DLG2: variants seen among roughly 807,000 people sequenced by gnomAD.
The protein encoded by DLG2 is disks large homolog 2.
In DLG2, 45 loss-of-function variants were observed where a neutral mutation model predicts 132.5. That is an observed-to-expected ratio of 0.34 (90% confidence interval 0.27 to 0.44). The LOEUF is 0.44. Among genes scored for constraint, DLG2 ranks in the 20% least tolerant of loss-of-function variants. DLG2 has a pLI of 1.00. For missense variants in DLG2, 1,045 were observed against 1,196.9 expected (o/e 0.87, Z 1.87); for synonymous variants, 424 against 419.6 (o/e 1.01, Z -0.13).
intron 3 of DLG2, among the ~76,000 whole-genome samples, chr11:85,593,200 C>G (rs2079487244): frequency 6.6e-6 from 1 of 151,968 alleles, no homozygotes; most frequent in Admixed American, 6.6e-5. Context: ...AAATCAGATC[C>G]TATAAAACAC....
At chr11:84,000,873 G>T (rs1032565312) in intron 11 of DLG2, among the ~76,000 whole-genome samples, 1 of 152,144 alleles carries the variant, frequency 6.6e-6, no homozygotes, top group Middle Eastern at 3.4e-3. Context: ...CCTAAACCTG[G>T]AAGGAAAAGG....
intron 6 of DLG2, among the ~76,000 whole-genome samples, chr11:84,952,958 A>G (rs2051158329): frequency 6.6e-6 from 1 of 152,194 alleles, no homozygotes; most frequent in African/African-American, 2.4e-5. Flanking sequence ...CAGTTTCTCA[A>G]AGTGCTTTCA....
At chr11:84,522,373 G>A (rs968908510) in intron 7 of DLG2, among the ~76,000 whole-genome samples, 2 of 152,004 alleles carry the variant, frequency 1.3e-5, no homozygotes, top group Non-Finnish European at 2.9e-5. Context: ...TGCTTAATGG[G>A]CCTTAAGGTC....
At chr11:85,437,197 C>T (rs1299145412) in intron 3 of DLG2, among the ~76,000 whole-genome samples, 2 of 151,630 alleles carry the variant, frequency 1.3e-5, no homozygotes, top group Non-Finnish European at 2.9e-5. Flanking sequence ...ATAGCCAATG[C>T]ATGTGGGGCT....
intron 3 of DLG2, among the ~76,000 whole-genome samples, chr11:85,497,840 G>C (rs528201059): frequency 6.6e-6 from 1 of 152,188 alleles, no homozygotes; most frequent in African/African-American, 2.4e-5. Context: ...AGCTTCATAA[G>C]TGAAGGGGAA....
At chr11:85,396,065 A>G (rs1175492836) in intron 3 of DLG2, among the ~76,000 whole-genome samples, 1 of 152,166 alleles carries the variant, frequency 6.6e-6, no homozygotes, top group African/African-American at 2.4e-5. Flanking sequence ...CGATGCTTCC[A>G]GAAGAAGGAT....
chr11:84,872,610 G>C (rs146969265), intron 6 of DLG2, among the ~76,000 whole-genome samples: 1 of 152,172 alleles, frequency 6.6e-6, no homozygotes. Flanking sequence ...CATTTAGGTT[G>C]TATCTTGAAA....
chr11:83,546,606 G>C (rs764383031), intron 19 of DLG2, among the ~76,000 whole-genome samples: 1 of 152,072 alleles, frequency 6.6e-6, no homozygotes, highest in African/African-American at 2.4e-5. Context: ...GAGATATAAA[G>C]AGCTGAAATG....
At chr11:83,633,709 G>T (rs2063997915) in intron 18 of DLG2, among the ~76,000 whole-genome samples, 1 of 148,970 alleles carries the variant, frequency 6.7e-6, no homozygotes, top group Non-Finnish European at 1.5e-5. Flanking sequence ...GTGGATATTG[G>T]TAACTGCACG....
rs1303901000 is a variant in DLG2 at position 84,154,808 on chromosome 11, C to A, written c.624+8653G>T. Among the ~76,000 whole-genome samples, 4 of 152,098 alleles carry A rather than the reference C, an allele frequency of 2.6e-5. No homozygotes were observed. The East Asian group carries it at 5.8e-4, about 22-fold the overall frequency. On this transcript the variant is annotated intron_variant, in intron 9 of 27. Coordinates refer to ENST00000376104, the MANE Select transcript of DLG2 (RefSeq NM_001142699.3). ...ATGATGGTTTCCAGCTTCACCCATG[C>A]CCCTACAAAGGACATGAACTCATCC... is the stretch of plus-strand genomic sequence containing the variant.
intron 7 of DLG2, among the ~76,000 whole-genome samples, chr11:84,503,719 T>A (rs972300475): frequency 6.6e-6 from 1 of 152,198 alleles, no homozygotes; most frequent in African/African-American, 2.4e-5. Context: ...GTCAGCAAGT[T>A]CAACAGTATA....
At chr11:85,443,875 GAAC>G (rs2091894415) in intron 3 of DLG2, among the ~76,000 whole-genome samples, 1 of 152,074 alleles carries the variant, frequency 6.6e-6, no homozygotes, top group Non-Finnish European at 1.5e-5. Context: ...ATCATTACAA[GAAC>G]AACAAAGTAA....
intron 18 of DLG2, among the ~76,000 whole-genome samples, chr11:83,709,191 TAA>T (rs1342543764): frequency 2.6e-5 from 4 of 151,498 alleles, no homozygotes; most frequent in African/African-American, 9.7e-5. Flanking sequence ...AGGAAAAAAA[TAA>T]AAGTCTGAAA....
At chr11:83,516,068 C>G (rs1391518040) in intron 21 of DLG2, among the ~76,000 whole-genome samples, 1 of 152,150 alleles carries the variant, frequency 6.6e-6, no homozygotes, top group Non-Finnish European at 1.5e-5. Context: ...GAGTTCAATT[C>G]CTGGATATCC....
intron 7 of DLG2, among the ~76,000 whole-genome samples, chr11:84,254,754 G>T (rs1017863106): frequency 1.3e-5 from 2 of 152,156 alleles, no homozygotes; most frequent in Admixed American, 6.5e-5. Context: ...TAGAGGACAA[G>T]AATTTGAAGG....
intron 10 of DLG2, among the ~76,000 whole-genome samples, chr11:84,069,565 C>T (rs55665840): frequency 0.035 from 5,395 of 152,282 alleles, 140 homozygotes; most frequent in Middle Eastern, 0.065. Flanking sequence ...CTTCTGCTCT[C>T]GTCTCTAACT....
chr11:84,750,206 A>G, intron 6 of DLG2, among the ~76,000 whole-genome samples: 1 of 152,092 alleles, frequency 6.6e-6, no homozygotes, highest in Non-Finnish European at 1.5e-5. Context: ...CACGATATTC[A>G]GGCTTGTTAC....
Position 84,801,486 on chromosome 11 carries a change from G to T in DLG2, c.358-266755C>A, listed in dbSNP as rs565638850. Reference sequence around the variant, plus strand: ...CGCAGGAGGCTGAGGCAGGAGAATGGCGTGAAGGGCGCTTGCAGTGAGCGG... The same window carrying T: ...CGCAGGAGGCTGAGGCAGGAGAATGTCGTGAAGGGCGCTTGCAGTGAGCGG... On this transcript the variant is annotated intron_variant, in intron 6 of 27. Coordinates refer to ENST00000376104, the MANE Select transcript of DLG2 (RefSeq NM_001142699.3). Among the ~76,000 whole-genome samples, 4 of 152,304 alleles carry T rather than the reference G, an allele frequency of 2.6e-5. No homozygotes were observed. The South Asian group carries it at 8.3e-4, about 32-fold the overall frequency.
intron 6 of DLG2, among the ~76,000 whole-genome samples, chr11:85,057,106 A>G: frequency 6.6e-6 from 1 of 151,936 alleles, no homozygotes; most frequent in Middle Eastern, 3.4e-3. Flanking sequence ...AGCTTGTAAT[A>G]CATATATTTT....
Sources: allele counts gnomAD v4.1 joint callset (sites outside exome capture counted in the v4.1 genomes callset), GRCh38; gene constraint gnomAD v4.1.1; transcripts MANE v1.5; gene names NCBI Gene and HGNC (gene_info 2026-07-23, HGNC 2026-07-21).